The following KLHL32 variants were observed in gnomAD, a reference collection of about 807,000 sequenced individuals.
KLHL32 encodes kelch-like protein 32.
In KLHL32, 35 loss-of-function variants were observed where a neutral mutation model predicts 64.8. That is an observed-to-expected ratio of 0.54 (90% CI 0.41 to 0.72). The LOEUF is 0.72. KLHL32 is among the 30% of genes least tolerant of loss of function. The pLI, the probability that KLHL32 is intolerant of heterozygous loss-of-function variation, is 0.00. For synonymous variants in KLHL32, 259 were observed against 281.0 expected (o/e 0.92, Z 0.78); for missense variants, 589 against 768.5 (o/e 0.77, Z 2.76).
intron 1 of KLHL32, among the ~76,000 whole-genome samples, chr6:96,957,666 C>A (rs1773425352): frequency 6.6e-6 from 1 of 151,980 alleles, no homozygotes; most frequent in Non-Finnish European, 1.5e-5. Flanking sequence ...TTTTATGTTT[C>A]TATTCATAGA....
chr6:96,909,442 C>A, the KLHL32 span, among the ~76,000 whole-genome samples: 3 of 152,138 alleles, frequency 2.0e-5, no homozygotes, highest in Non-Finnish European at 4.4e-5. Context: ...CTGGACTATG[C>A]TTTGCAACCC....
chr6:96,907,443 T>C, the KLHL32 span, among the ~76,000 whole-genome samples: 1 of 152,352 alleles, frequency 6.6e-6, no homozygotes, highest in South Asian at 2.1e-4. Context: ...CAAAGAGCTG[T>C]GAATGAGAAA....
intron 3 of KLHL32, among the ~76,000 whole-genome samples, chr6:97,033,081 T>C (rs1783794521): frequency 6.6e-6 from 1 of 152,192 alleles, no homozygotes; most frequent in East Asian, 1.9e-4. Flanking sequence ...TAAATTTTAC[T>C]AAGAGCTTGC....
At chr6:96,920,162 G>A (rs1161637363), upstream of KLHL32, among the ~76,000 whole-genome samples, 2 of 152,182 alleles carry the variant, frequency 1.3e-5, no homozygotes, top group Non-Finnish European at 2.9e-5. Context: ...TACTCAGTAA[G>A]GGAACATGGT....
chr6:97,072,731 A>G (rs1315095700), intron 5 of KLHL32, among the ~76,000 whole-genome samples: 1 of 152,164 alleles, frequency 6.6e-6, no homozygotes, highest in Non-Finnish European at 1.5e-5. Context: ...ACTTTCAAGT[A>G]CTTGGCTCAC....
chr6:97,050,957 C>G (rs1786800344), intron 4 of KLHL32, among the ~76,000 whole-genome samples: 1 of 152,176 alleles, frequency 6.6e-6, no homozygotes, highest in Non-Finnish European at 1.5e-5. Flanking sequence ...GAGCCGAGAT[C>G]ATGCCACTGC....
chr6:96,994,497 A>G (rs1018172860), intron 3 of KLHL32: 1 of 985,282 alleles, frequency 1.0e-6, no homozygotes, highest in African/African-American at 1.7e-5. Flanking sequence ...CTGTACTCTG[A>G]TATTTGGCAG....
intron 5 of KLHL32, among the ~76,000 whole-genome samples, chr6:97,074,602 T>TA (rs1232147975): frequency 1.0e-4 from 13 of 124,346 alleles, no homozygotes; most frequent in African/African-American, 2.9e-4. Flanking sequence ...AGTGAGGGAT[T>TA]TAAAAAAAAA....
At chr6:96,988,071 A>AGCAATG (rs1472263423) in intron 3 of KLHL32, among the ~76,000 whole-genome samples, 1 of 152,230 alleles carries the variant, frequency 6.6e-6, no homozygotes, top group Non-Finnish European at 1.5e-5. Flanking sequence ...AAACACCAAA[A>AGCAATG]GCAATGGCAA....
intron 8 of KLHL32, among the ~76,000 whole-genome samples, chr6:97,129,663 C>T (rs1042940848): frequency 2.1e-4 from 32 of 152,134 alleles, no homozygotes; most frequent in African/African-American, 5.8e-4. Flanking sequence ...GGGTGGATCA[C>T]CTGAGGTCAG....
chr6:97,060,584 A>G (rs559404142), intron 4 of KLHL32, among the ~76,000 whole-genome samples: 2 of 152,184 alleles, frequency 1.3e-5, no homozygotes, highest in East Asian at 3.9e-4. Flanking sequence ...CTGGCCCCAT[A>G]TTCTGCCTGG....
In KLHL32 at chr6:97,140,738, A is replaced by ATCT. The variant is rs1554252254; in HGVS notation, c.*1458_*1460dup. The ATCT allele has an allele frequency of 1.3e-5, 2 of 151,976 alleles. No individual in the cohort carries two copies. The highest frequency in any genetic ancestry group is 4.1e-4 in the South Asian group (2 of 4,834). The allele number at this position is 151,976 out of a possible 1,614,324, so 9.4% of individuals were successfully genotyped here. On this transcript the variant is annotated 3_prime_UTR_variant, in exon 11 of 11. Transcript: ENST00000369261. Reference sequence around the variant, plus strand: ...TTGTAATCAAAAGTGAATAAAAACGATCTTTTTGTCTTACAGAATTCACTA... The same window carrying ATCT: ...TTGTAATCAAAAGTGAATAAAAACGATCTTCTTTTTGTCTTACAGAATTCACTA...
intron 6 of KLHL32, among the ~76,000 whole-genome samples, chr6:97,112,596 G>T (rs1371215087): frequency 6.6e-6 from 1 of 151,782 alleles, no homozygotes; most frequent in East Asian, 1.9e-4. Flanking sequence ...ACAGGCACGT[G>T]CCACCACGCC....
At chr6:96,907,703 T>G in the KLHL32 span, among the ~76,000 whole-genome samples, 3 of 152,202 alleles carry the variant, frequency 2.0e-5, no homozygotes, top group East Asian at 1.9e-4. Context: ...ACAACTTAAC[T>G]CGCCCAGCTC....
At chr6:96,902,705 G>A in the KLHL32 span, among the ~76,000 whole-genome samples, 1 of 152,092 alleles carries the variant, frequency 6.6e-6, no homozygotes, top group Non-Finnish European at 1.5e-5. Context: ...TTCTTCTAGG[G>A]TTTTCATAGT....
chr6:96,901,005 G>C, the KLHL32 span, among the ~76,000 whole-genome samples: 3 of 152,096 alleles, frequency 2.0e-5, no homozygotes, highest in East Asian at 5.8e-4. Flanking sequence ...TACTGGGAGC[G>C]GGGGGTAGTG....
chr6:97,092,506 T>G (rs970946666), intron 6 of KLHL32, among the ~76,000 whole-genome samples: 2 of 152,208 alleles, frequency 1.3e-5, no homozygotes, highest in Non-Finnish European at 2.9e-5. Context: ...TTTCTACAAA[T>G]GTGATGAGGG....
chr6:96,978,028 C>G (rs988296519), intron 3 of KLHL32, among the ~76,000 whole-genome samples: 2 of 152,156 alleles, frequency 1.3e-5, no homozygotes, highest in Non-Finnish European at 2.9e-5. Flanking sequence ...CAAAACACTT[C>G]AGATTGTATG....
the KLHL32 span, among the ~76,000 whole-genome samples, chr6:96,898,597 T>G: frequency 1.3e-5 from 2 of 152,194 alleles, no homozygotes; most frequent in Non-Finnish European, 2.9e-5. Context: ...TACTAAATGC[T>G]GAGTCATTCC....
Sources: gnomAD v4.1 joint callset for allele counts (sites outside exome capture counted in the v4.1 genomes callset) on GRCh38, gnomAD v4.1.1 for gene constraint, MANE v1.5 for transcripts, NCBI Gene and HGNC (gene_info 2026-07-23, HGNC 2026-07-21) for gene names.